Variants in OSBPL3 observed in about 807,000 individuals in gnomAD.
OSBPL3 encodes the protein oxysterol-binding protein-related protein 3.
OSBPL3 carries 65 observed loss-of-function variants against 120.1 expected under a neutral mutation model. The ratio of observed to expected loss-of-function variants is 0.54; its 90% confidence interval spans 0.44 to 0.67. The LOEUF (loss-of-function observed/expected upper bound fraction) is 0.67, where lower values mean the gene tolerates loss of function less well. Among genes scored for constraint, OSBPL3 ranks in the 30% least tolerant of loss-of-function variants. The pLI is 0.00. For missense variants in OSBPL3, 1,004 were observed against 1,082.1 expected (o/e 0.93, Z 1.01); for synonymous variants, 416 against 402.6 (o/e 1.03, Z -0.40).
chr7:24,980,443 C>T (rs567744837), upstream of OSBPL3, among the ~76,000 whole-genome samples: 3 of 151,910 alleles, frequency 2.0e-5, no homozygotes, highest in African/African-American at 2.4e-5. Context: ...AGTCCTGCGG[C>T]GAGGCACTGG....
rs917816809 is a variant in OSBPL3, at chr7:24,818,256, C to T, written c.1949-1568G>A. ...TGATAACTGCACAGTTTATTAAATTCACAATTCTGTGAATAAAAACCATTG... is the reference window on the plus strand; with the variant it reads ...TGATAACTGCACAGTTTATTAAATTTACAATTCTGTGAATAAAAACCATTG... On this transcript the variant is annotated intron_variant, in intron 17 of 22. Transcript: ENST00000313367. This position sits in a 1 kb window ranked among gnomAD's most constrained non-coding sequence, Gnocchi z 4.0. 6.6e-6 allele frequency among the ~76,000 whole-genome samples: 1 copy of T among 152,014 alleles called. No homozygotes were observed. Among genetic ancestry groups the T allele is most frequent in the Non-Finnish European group, 1.5e-5 (1 of 68,006 alleles).
In OSBPL3 at chr7:24,834,772, C is replaced by T; in HGVS notation, c.1496-36G>A. The T allele has an allele frequency of 1.3e-6, 2 of 1,511,412 alleles. No homozygotes were observed. Among genetic ancestry groups the T allele is most frequent in the Non-Finnish European group, 1.8e-6 (2 of 1,131,826 alleles). 93.6% of individuals were successfully genotyped at this position (1,511,412 alleles called of 1,614,324 possible). A position where few individuals can be genotyped will look rare whatever the true frequency, so the allele number is the denominator to read the frequency against. The stretch of plus-strand genomic sequence containing the variant: ...AAGAGGCCTGGTTGTCTCTATAAAG[C>T]TTTTCATTTTATTCTATTATTTTTA... On this transcript the variant is annotated intron_variant, in intron 14 of 22. Coordinates refer to ENST00000313367, the MANE Select transcript of OSBPL3 (RefSeq NM_015550.4). The surrounding 1 kb of genome is among the most constrained non-coding windows in gnomAD (Gnocchi z 5.2).
In OSBPL3 at chr7:24,867,106, G is replaced by A. The variant is rs1373284254; in HGVS notation, c.382-869C>T. 6.6e-6 allele frequency among the ~76,000 whole-genome samples: 1 copy of A among 152,142 alleles called. No individual in the cohort carries two copies. The highest frequency in any genetic ancestry group is 1.5e-5 in the Non-Finnish European group (1 of 68,028). On this transcript the variant is annotated intron_variant, in intron 5 of 22. Transcript: ENST00000313367. This position sits in a 1 kb window ranked among gnomAD's most constrained non-coding sequence, Gnocchi z 4.5. Reference sequence around the variant, plus strand: ...TGAGCCACCACACCTGGCCTGTTATGCTATTTTTAAGAAAACAGAACAGTG... The same window carrying A: ...TGAGCCACCACACCTGGCCTGTTATACTATTTTTAAGAAAACAGAACAGTG...
intron 1 of OSBPL3, among the ~76,000 whole-genome samples, chr7:24,909,055 A>G (rs1251708217): frequency 2.0e-5 from 3 of 152,208 alleles, no homozygotes; most frequent in East Asian, 3.8e-4. Context: ...CTACTTTTCT[A>G]CCATGACTTC....
intron 1 of OSBPL3, among the ~76,000 whole-genome samples, chr7:24,924,352 T>G (rs1285280234): frequency 2.6e-5 from 4 of 152,216 alleles, no homozygotes; most frequent in Non-Finnish European, 5.9e-5. Flanking sequence ...CTCTGTATTT[T>G]CAACATTTTT....
In OSBPL3 at chr7:24,815,119, T is replaced by C. The variant is rs370843036; in HGVS notation, c.2112A>G (p.Gly704=). 1.2e-6 allele frequency: 2 copies of C among 1,613,424 alleles called. No individual in the cohort carries two copies. Among genetic ancestry groups the C allele is most frequent in the Non-Finnish European group, 1.7e-6 (2 of 1,179,318 alleles). ...LSGQRWIEHY[G]EIVIKNLHDD... ...CATGCAGGTTCTTGATGACAATCTC[T>C]CCATAGTGCTCAATCCACCTCTGCC... is the stretch of plus-strand genomic sequence containing the variant. Residue 704 remains glycine, a synonymous_variant, in exon 19 of 23, where the codon GGA becomes GGG. Coordinates refer to ENST00000313367, the MANE Select transcript of OSBPL3 (RefSeq NM_015550.4). The surrounding 1 kb of genome is among the most constrained non-coding windows in gnomAD (Gnocchi z 5.1).
chr7:24,864,427 T>C (rs1266280087), intron 7 of OSBPL3, among the ~76,000 whole-genome samples: 2 of 152,198 alleles, frequency 1.3e-5, no homozygotes, highest in East Asian at 3.9e-4. Flanking sequence ...TGCTGATAAG[T>C]TCCCGGGTGG....
At chr7:24,931,847 T>A (rs1308807374) in intron 1 of OSBPL3, among the ~76,000 whole-genome samples, 1 of 152,144 alleles carries the variant, frequency 6.6e-6, no homozygotes, top group East Asian at 1.9e-4. Flanking sequence ...AACACTTGCA[T>A]CAACAAGACT....
chr7:24,913,021 G>A lies in OSBPL3; in HGVS notation c.-149-20400C>T, dbSNP rs114083925. Among the ~76,000 whole-genome samples the A allele has an allele frequency of 6.9e-3, 1,055 of 152,178 alleles. 16 individuals are homozygous for A. Among genetic ancestry groups the A allele is most frequent in the African/African-American group, 0.023 (954 of 41,516 alleles). On this transcript the variant is annotated intron_variant, in intron 1 of 22. Transcript: ENST00000313367. This position sits in a 1 kb window ranked among gnomAD's most constrained non-coding sequence, Gnocchi z 5.3. ...AGAGATCCATTCGGAAAAGAATGGCGACCGCCTCACCTCAGCCGATAACCA... is the reference window on the plus strand; with the variant it reads ...AGAGATCCATTCGGAAAAGAATGGCAACCGCCTCACCTCAGCCGATAACCA...
In OSBPL3 at chr7:24,918,924, G is replaced by A. The variant is rs948433335; in HGVS notation, c.-149-26303C>T. The stretch of plus-strand genomic sequence containing the variant: ...TAAATTTTGTAACTAACATTTCCCA[G>A]GTACAATGCTAGATGCTCTTACATA... On this transcript the variant is annotated intron_variant, in intron 1 of 22. Coordinates refer to ENST00000313367, the MANE Select transcript of OSBPL3 (RefSeq NM_015550.4). The surrounding 1 kb of genome is among the most constrained non-coding windows in gnomAD (Gnocchi z 4.3). Among the ~76,000 whole-genome samples, 8 of 152,170 alleles carry A rather than the reference G, an allele frequency of 5.3e-5. No homozygotes were observed. The highest frequency in any genetic ancestry group is 1.9e-4 in the African/African-American group (8 of 41,458).
chr7:24,979,764 C>T (rs982719023), intron 1 of OSBPL3, 122 bp downstream of exon 1: 2 of 503,284 alleles, frequency 4.0e-6, no homozygotes, highest in African/African-American at 4.2e-5. Context: ...CCGGGCGACT[C>T]GGACAGACCC....
intron 1 of OSBPL3, among the ~76,000 whole-genome samples, chr7:24,970,896 C>T (rs965906463): frequency 1.3e-5 from 2 of 152,214 alleles, no homozygotes; most frequent in African/African-American, 4.8e-5. Flanking sequence ...GACACTGATA[C>T]ATCTCCTGGA....
At chr7:24,876,827 T>G (rs188542004) in intron 2 of OSBPL3, among the ~76,000 whole-genome samples, 1 of 152,200 alleles carries the variant, frequency 6.6e-6, no homozygotes, top group African/African-American at 2.4e-5. Context: ...GCAGGAACCT[T>G]TTCTGTCTTG....
In OSBPL3 at chr7:24,808,695, G is replaced by A. The variant is rs529874787; in HGVS notation, c.2317+1112C>T. ...CTTTCTTGCTTGCTAACAGAATACT[G>A]ATTCTGTTCAAATGGCATTGTGCCC... On this transcript the variant is annotated intron_variant, in intron 20 of 22. Coordinates refer to ENST00000313367, the MANE Select transcript of OSBPL3 (RefSeq NM_015550.4). This position sits in a 1 kb window ranked among gnomAD's most constrained non-coding sequence, Gnocchi z 4.6. Among the ~76,000 whole-genome samples the A allele has an allele frequency of 1.3e-3, 193 of 152,290 alleles. No individual in the cohort carries two copies. The highest frequency in any genetic ancestry group is 4.4e-3 in the African/African-American group (181 of 41,562).
chr7:24,844,817 T>C (rs1302923978), intron 12 of OSBPL3, among the ~76,000 whole-genome samples: 1 of 150,770 alleles, frequency 6.6e-6, no homozygotes, highest in Admixed American at 6.7e-5. Context: ...TGCTGGTATT[T>C]TCATATTAAA....
In OSBPL3 at chr7:24,902,147, A is replaced by G. The variant is rs555757866; in HGVS notation, c.-149-9526T>C. 1.2e-3 allele frequency among the ~76,000 whole-genome samples: 186 copies of G among 152,376 alleles called. 1 individual carries two copies. The highest frequency in any genetic ancestry group is 4.3e-3 in the African/African-American group (180 of 41,588). On this transcript the variant is annotated intron_variant, in intron 1 of 22. Transcript: ENST00000313367. ...TTGAGGTGATTAGATGAGCTAATGCATATAAGACCATTTAGAAGGCAATCA... is the reference window on the plus strand; with the variant it reads ...TTGAGGTGATTAGATGAGCTAATGCGTATAAGACCATTTAGAAGGCAATCA...
Position 24,863,529 on chromosome 7 carries a change from C to T in OSBPL3, c.744G>A (p.Arg248=). 6.2e-7 allele frequency: 1 copy of T among 1,614,024 alleles called. No individual in the cohort carries two copies. Among genetic ancestry groups the T allele is most frequent in the East Asian group, 2.2e-5 (1 of 44,874 alleles). ...CGTTGATAGCTGGTGCCGAGTATGT[C>T]CGATGCAGGACGTCCATGCTTTGCA... is the stretch of plus-strand genomic sequence containing the variant. ...QLLQSMDVLH[R]TYSAPAINAI... Residue 248 remains arginine (R), a synonymous_variant, in exon 8 of 23, where the codon CGG becomes CGA. Transcript: ENST00000313367. This position sits in a 1 kb window ranked among gnomAD's most constrained non-coding sequence, Gnocchi z 5.8.
intron 1 of OSBPL3, among the ~76,000 whole-genome samples, chr7:24,925,894 T>C (rs916951532): frequency 6.6e-5 from 10 of 152,244 alleles, no homozygotes. Context: ...CAGTTTTAGT[T>C]TCCACGGATC....
chr7:24,892,739 A>G, intron 1 of OSBPL3, 118 bp from the exon 2 acceptor site: 1 of 599,858 alleles, frequency 1.7e-6, no homozygotes, highest in Non-Finnish European at 2.3e-6. Context: ...ATGTTTAGCT[A>G]TAGCAGGCGC....
Sources: allele counts gnomAD v4.1 joint callset (sites outside exome capture counted in the v4.1 genomes callset), GRCh38; gene constraint gnomAD v4.1.1; non-coding constraint Gnocchi (gnomAD v3.1); transcripts MANE v1.5; gene names NCBI Gene and HGNC (gene_info 2026-07-23, HGNC 2026-07-21).